PALLD: variants seen among roughly 807,000 people sequenced by gnomAD.
PALLD encodes palladin.
In PALLD, 61 loss-of-function variants were observed where a neutral mutation model predicts 123.5. The ratio of observed to expected loss-of-function variants is 0.49; its 90% CI spans 0.40 to 0.61. The LOEUF (loss-of-function observed/expected upper bound fraction) is 0.61. PALLD is among the 20% of genes least tolerant of loss of function. The pLI, the probability that PALLD is intolerant of heterozygous loss-of-function variation, is 0.00. For missense variants in PALLD, 1,273 were observed against 1,377.0 expected, an observed-to-expected ratio of 0.92 and a Z score of 1.20; for synonymous variants, 465 against 496.4, an observed-to-expected ratio of 0.94 and a Z score of 0.84.
At chr4:168,850,995 C>T (rs1459986455) in intron 10 of PALLD, among the ~76,000 whole-genome samples, 1 of 152,172 alleles carries the variant, frequency 6.6e-6, no homozygotes, top group African/African-American at 2.4e-5. Context: ...ATGAATTAAT[C>T]TGGCCCAAGT....
chr4:168,636,898 T>C (rs962617438), intron 2 of PALLD, among the ~76,000 whole-genome samples: 1 of 152,078 alleles, frequency 6.6e-6, no homozygotes, highest in African/African-American at 2.4e-5. Context: ...GAGTCTTGCC[T>C]CCCTGGATGT....
chr4:168,900,417 A>G (rs1756249670), intron 14 of PALLD, among the ~76,000 whole-genome samples: 1 of 152,252 alleles, frequency 6.6e-6, no homozygotes. Context: ...AATGGAAACT[A>G]TAATGAAAGA....
At chr4:168,680,881 C>T (rs1291346348) in intron 3 of PALLD, among the ~76,000 whole-genome samples, 1 of 152,096 alleles carries the variant, frequency 6.6e-6, no homozygotes, top group Non-Finnish European at 1.5e-5. Flanking sequence ...ATCAAAGGCC[C>T]TCTTATTCAA....
intron 2 of PALLD, among the ~76,000 whole-genome samples, chr4:168,640,371 A>C (rs917532552): frequency 2.6e-5 from 4 of 152,170 alleles, no homozygotes; most frequent in African/African-American, 9.7e-5. Context: ...TGTCCCAAGT[A>C]GCTTAGCACA....
chr4:168,736,654 C>T (rs747728425), intron 10 of PALLD, among the ~76,000 whole-genome samples: 66 of 152,130 alleles, frequency 4.3e-4, no homozygotes, highest in Non-Finnish European at 3.7e-4. Context: ...GCAGAAGGCC[C>T]TAGGTGCAAA....
At chr4:168,919,321 C>T (rs1474680185) in intron 17 of PALLD, among the ~76,000 whole-genome samples, 1 of 152,004 alleles carries the variant, frequency 6.6e-6, no homozygotes, top group Admixed American at 6.6e-5. Flanking sequence ...GTCAGGAATC[C>T]GAGACCAGCC....
chr4:168,498,439 C>T (rs966751632), intron 1 of PALLD, among the ~76,000 whole-genome samples: 4 of 152,164 alleles, frequency 2.6e-5, no homozygotes, highest in Non-Finnish European at 5.9e-5. Context: ...ACTTTGACCT[C>T]CTTACCTCAT....
chr4:168,515,863 G>A (rs1222225542), intron 2 of PALLD, among the ~76,000 whole-genome samples: 1 of 139,688 alleles, frequency 7.2e-6, no homozygotes, highest in Non-Finnish European at 1.6e-5. Context: ...GCTGGCTGGA[G>A]CTTAGATTAA....
chr4:168,846,073 T>A (rs1305876640), intron 10 of PALLD, among the ~76,000 whole-genome samples: 1 of 152,204 alleles, frequency 6.6e-6, no homozygotes, highest in Admixed American at 6.5e-5. Flanking sequence ...CTGAATGTCA[T>A]TTCAATACCA....
chr4:168,639,823 C>T (rs895774182), intron 2 of PALLD, among the ~76,000 whole-genome samples: 2 of 152,150 alleles, frequency 1.3e-5, no homozygotes, highest in Admixed American at 6.5e-5. Flanking sequence ...GGATTATAGG[C>T]GTGAGCCACC....
At chr4:168,815,280 G>A (rs556551357) in intron 10 of PALLD, among the ~76,000 whole-genome samples, 1 of 152,350 alleles carries the variant, frequency 6.6e-6, no homozygotes, top group Admixed American at 6.5e-5. Context: ...ATAGAATGAA[G>A]TGTAATAGTG....
intron 10 of PALLD, among the ~76,000 whole-genome samples, chr4:168,874,462 T>C (rs1751476581): frequency 6.6e-6 from 1 of 152,216 alleles, no homozygotes; most frequent in African/African-American, 2.4e-5. Flanking sequence ...AGTTATTTTC[T>C]ATAATGTATG....
At chr4:168,566,121 C>T (rs923638279) in intron 2 of PALLD, among the ~76,000 whole-genome samples, 4 of 152,092 alleles carry the variant, frequency 2.6e-5, no homozygotes, top group African/African-American at 9.7e-5. Context: ...GCCATCATCC[C>T]ACAGAAAATA....
chr4:168,898,575 GTGA>G lies in PALLD; in HGVS notation c.2337_2339del (p.Asp779del). ...GAAAGGTCTCCTGTGGATGAATCAG[GTGA>G]TGAAGTTCAGTATGGAGATGTGCCT... On this transcript the variant is annotated inframe_deletion, in exon 14 of 22. Transcript: ENST00000505667. 6.2e-7 allele frequency: 1 copy of G among 1,613,788 alleles called. No homozygotes were observed. Among genetic ancestry groups the G allele is most frequent in the Non-Finnish European group, 8.5e-7 (1 of 1,179,638 alleles).
At chr4:168,565,420 G>A (rs186842729) in intron 2 of PALLD, among the ~76,000 whole-genome samples, 133 of 152,268 alleles carry the variant, frequency 8.7e-4, no homozygotes, top group African/African-American at 3.1e-3. Flanking sequence ...CACCTCTGCA[G>A]GAGGCTTAGA....
intron 2 of PALLD, among the ~76,000 whole-genome samples, chr4:168,604,688 C>T (rs1363531877): frequency 1.3e-5 from 2 of 152,156 alleles, no homozygotes; most frequent in Admixed American, 6.5e-5. Context: ...TCTGAGAATT[C>T]CTGCTGTCAG....
chr4:168,715,874 C>T (rs929652394), intron 10 of PALLD, among the ~76,000 whole-genome samples: 1 of 151,950 alleles, frequency 6.6e-6, no homozygotes, highest in African/African-American at 2.4e-5. Context: ...GGCGTGAACC[C>T]GGAGGGCGGA....
chr4:168,925,115 CATTAA>C (rs1427327879), intron 20 of PALLD, 37 bp downstream of exon 20: 2 of 1,609,986 alleles, frequency 1.2e-6, no homozygotes, highest in Non-Finnish European at 1.7e-6. Flanking sequence ...TGCGTTTACT[CATTAA>C]ATTATGAAAA....
chr4:168,505,764 T>C (rs1193791283), intron 1 of PALLD, among the ~76,000 whole-genome samples: 1 of 152,256 alleles, frequency 6.6e-6, no homozygotes, highest in African/African-American at 2.4e-5. Context: ...AAGCAGTCCA[T>C]TATTAGCCAT....
Sources: gnomAD v4.1 joint callset for allele counts (sites outside exome capture counted in the v4.1 genomes callset) on GRCh38, gnomAD v4.1.1 for gene constraint, MANE v1.5 for transcripts, NCBI Gene and HGNC (gene_info 2026-07-23, HGNC 2026-07-21) for gene names.